The following KLF8 variants were observed in gnomAD, a reference collection of about 807,000 sequenced individuals.
The protein encoded by KLF8 is Krueppel-like factor 8.
KLF8 carries 10 observed loss-of-function variants against 18.2 expected under a neutral mutation model. That is an observed-to-expected ratio of 0.55 (90% CI 0.34 to 0.93). The LOEUF is 0.93. Ranked by LOEUF, KLF8 falls within the 40% of genes least tolerant of loss-of-function variation. The probability of loss-of-function intolerance (pLI) is 0.02; values close to 1 mark genes in which losing one functional copy is unlikely to be tolerated. For synonymous variants in KLF8, 109 were observed against 97.3 expected, an observed-to-expected ratio of 1.12 and a Z score of -0.71; for missense variants, 264 against 277.9, an observed-to-expected ratio of 0.95 and a Z score of 0.36.
the KLF8 span, among the ~76,000 whole-genome samples, chrX:56,191,685 A>G: frequency 8.9e-6 from 1 of 112,024 alleles, no homozygotes; most frequent in Non-Finnish European, 1.9e-5. Flanking sequence ...TATCAACAAA[A>G]TGAATGGCAA....
chrX:56,108,094 A>G, the KLF8 span, among the ~76,000 whole-genome samples: 4 of 111,903 alleles, frequency 3.6e-5, no homozygotes, highest in East Asian at 1.1e-3. Flanking sequence ...ATTAGCTCCC[A>G]TAGGTTTTTA....
At chrX:56,207,214 A>G in the KLF8 span, among the ~76,000 whole-genome samples, 1 of 112,272 alleles carries the variant, frequency 8.9e-6, no homozygotes, top group East Asian at 2.8e-4. Flanking sequence ...CCCTGGAGAC[A>G]TTTTCCCCAT....
chrX:56,057,887 A>T, the KLF8 span, among the ~76,000 whole-genome samples: 1 of 109,193 alleles, frequency 9.2e-6, no homozygotes, highest in Admixed American at 9.9e-5. Flanking sequence ...TTAAGCAGGT[A>T]TCCCTGCCAA....
the KLF8 span, among the ~76,000 whole-genome samples, chrX:56,159,140 A>G: frequency 8.9e-6 from 1 of 112,141 alleles, no homozygotes; most frequent in Non-Finnish European, 1.9e-5. Context: ...ATCTATTGAG[A>G]CAATCATATG....
intron 3 of KLF8, chrX:56,266,629 A>G (rs986412512): frequency 2.7e-6 from 2 of 751,385 alleles, no homozygotes; most frequent in Non-Finnish European, 1.6e-6. Flanking sequence ...TTCCACCACT[A>G]TCCCCCAACC....
chrX:56,058,303 T>C, the KLF8 span, among the ~76,000 whole-genome samples: 60 of 68,526 alleles, frequency 8.8e-4, 1 homozygote, highest in African/African-American at 3.0e-3. Flanking sequence ...TATATATATA[T>C]ATATATATAT....
chrX:56,114,763 C>A, the KLF8 span, among the ~76,000 whole-genome samples: 1 of 112,665 alleles, frequency 8.9e-6, no homozygotes. Flanking sequence ...CCCCAAGTTG[C>A]CTCAGGCAAA....
the KLF8 span, among the ~76,000 whole-genome samples, chrX:55,954,188 G>T: frequency 9.0e-6 from 1 of 110,563 alleles, no homozygotes; most frequent in African/African-American, 3.3e-5. Flanking sequence ...TTGTTATTGT[G>T]AATAGTGCTG....
In KLF8 at chrX:56,287,053, A is replaced by T. The variant is rs1003116222; in HGVS notation, c.*2559A>T. ...CCCCTAAGACCTCAGAATCTTTTGCATTGAGACATATGATCTATTTATAAA... is the reference window on the plus strand; with the variant it reads ...CCCCTAAGACCTCAGAATCTTTTGCTTTGAGACATATGATCTATTTATAAA... On this transcript the variant is annotated 3_prime_UTR_variant, in exon 6 of 6. Transcript: ENST00000468660. 1.8e-5 allele frequency: 2 copies of T among 111,787 alleles called. No individual in the cohort carries two copies. The highest frequency in any genetic ancestry group is 6.5e-5 in the African/African-American group (2 of 30,741). The allele number at this position is 111,787 out of a possible 1,213,427, so 9.2% of individuals were successfully genotyped here. A position where few individuals can be genotyped will look rare whatever the true frequency, so the allele number is the denominator to read the frequency against.
At chrX:55,922,125 A>G in the KLF8 span, among the ~76,000 whole-genome samples, 2 of 112,861 alleles carry the variant, frequency 1.8e-5, no homozygotes, top group Non-Finnish European at 3.7e-5. Flanking sequence ...GTATATACCC[A>G]AAGAAATATA....
chrX:56,221,200 A>T, the KLF8 span, among the ~76,000 whole-genome samples: 1 of 112,050 alleles, frequency 8.9e-6, no homozygotes, highest in African/African-American at 3.2e-5. Context: ...GTAAACTTTA[A>T]ATTAAAAAAT....
At chrX:56,054,113 TTTTA>T in the KLF8 span, among the ~76,000 whole-genome samples, 9,629 of 110,054 alleles carry the variant, frequency 0.087, 1,098 homozygotes, top group African/African-American at 0.31. Context: ...AGATCTTTCT[TTTTA>T]TTTATTTATT....
chrX:55,934,972 G>T, the KLF8 span, among the ~76,000 whole-genome samples: 8 of 111,552 alleles, frequency 7.2e-5, no homozygotes, highest in African/African-American at 2.6e-4. Context: ...ATAGTTGAAG[G>T]GGAGCCATAT....
At chrX:55,918,447 T>A in the KLF8 span, among the ~76,000 whole-genome samples, 384 of 112,414 alleles carry the variant, frequency 3.4e-3, 2 homozygotes, top group African/African-American at 0.012. Context: ...TAAAGATATA[T>A]CTCCACACAA....
the KLF8 span, among the ~76,000 whole-genome samples, chrX:56,097,733 G>A: frequency 1.2e-5 from 1 of 86,573 alleles, no homozygotes; most frequent in Non-Finnish European, 2.1e-5. Context: ...TGTTCTAATT[G>A]TTCAATTCCC....
the KLF8 span, among the ~76,000 whole-genome samples, chrX:56,212,277 G>T: frequency 9.8e-5 from 11 of 111,785 alleles, no homozygotes; most frequent in Non-Finnish European, 1.5e-4. Context: ...GTGTAGCCTG[G>T]TGTTTCAGGT....
At chrX:56,105,155 T>C in the KLF8 span, among the ~76,000 whole-genome samples, 1 of 111,766 alleles carries the variant, frequency 8.9e-6, no homozygotes, top group Non-Finnish European at 1.9e-5. Context: ...AATTTTGGAA[T>C]AATGTGATGT....
At chrX:56,079,014 C>G in the KLF8 span, among the ~76,000 whole-genome samples, 1 of 111,025 alleles carries the variant, frequency 9.0e-6, no homozygotes, top group African/African-American at 3.3e-5. Context: ...TTTATCACGT[C>G]TACTTGATTC....
chrX:55,956,192 GTATC>G, the KLF8 span, among the ~76,000 whole-genome samples: 29 of 97,141 alleles, frequency 3.0e-4, no homozygotes, highest in East Asian at 9.0e-4. Context: ...ATCTATCTAT[GTATC>G]TATCTATCTA....
Sources: allele counts gnomAD v4.1 joint callset (sites outside exome capture counted in the v4.1 genomes callset), GRCh38; gene constraint gnomAD v4.1.1; transcripts MANE v1.5; gene names NCBI Gene and HGNC (gene_info 2026-07-23, HGNC 2026-07-21).